Variants in SLC6A2 observed in about 807,000 individuals in gnomAD.
SLC6A2 encodes sodium-dependent noradrenaline transporter.
In SLC6A2, 26 loss-of-function variants were observed where a neutral mutation model predicts 71.7. The observed-to-expected ratio is 0.36, with a 90% CI of 0.27 to 0.50. The LOEUF (loss-of-function observed/expected upper bound fraction) is 0.50, where lower values mean the gene tolerates loss of function less well. Ranked by LOEUF, SLC6A2 falls within the 20% of genes least tolerant of loss-of-function variation. The probability of loss-of-function intolerance (pLI) is 0.96; values close to 1 mark genes in which losing one functional copy is unlikely to be tolerated. For missense variants in SLC6A2, 581 were observed against 803.9 expected, an observed-to-expected ratio of 0.72 and a Z score of 3.35; for synonymous variants, 363 against 337.9, an observed-to-expected ratio of 1.07 and a Z score of -0.82.
intron 5 of SLC6A2, among the ~76,000 whole-genome samples, chr16:55,689,634 G>A (rs2142575102): frequency 6.6e-6 from 1 of 152,364 alleles, no homozygotes; most frequent in East Asian, 1.9e-4. Context: ...GGAGATGTGA[G>A]AGCTCCTTCT....
chr16:55,656,842 G>A lies in SLC6A2; in HGVS notation c.148G>A (p.Asp50Asn). The A allele has an allele frequency of 6.2e-7, 1 of 1,613,684 alleles. No homozygotes were observed. Among genetic ancestry groups the A allele is most frequent in the Non-Finnish European group, 8.5e-7 (1 of 1,179,822 alleles). ...CGTCCAGTGCCTGCTGGCGCCCCGC[G>A]ACGGCGACGCGCAGCCCCGGGAGAC... is the stretch of plus-strand genomic sequence containing the variant. ...NGVQCLLAPR[D>N]GDAQPRETWG... Residue 50 changes from aspartate (D) to asparagine (N), a missense_variant, in exon 2 of 15, where the codon GAC becomes AAC. By Grantham distance (23) the Asp-to-Asn change is conservative. Around this residue, in one of 5 missense-constraint regions of SLC6A2, gnomAD observed 76 missense variants for 79.9 expected, o/e 0.95. Coordinates refer to ENST00000568943, the MANE Select transcript of SLC6A2 (RefSeq NM_001172501.3). This position sits in a 1 kb window ranked among gnomAD's most constrained non-coding sequence, Gnocchi z 4.5.
At chr16:55,673,181 T>C (rs1444236846) in intron 4 of SLC6A2, among the ~76,000 whole-genome samples, 1 of 152,194 alleles carries the variant, frequency 6.6e-6, no homozygotes, top group African/African-American at 2.4e-5. Flanking sequence ...TTGATTTGAG[T>C]TTGTTTGTTG....
At chr16:55,670,468 G>C (rs1249105845) in intron 3 of SLC6A2, among the ~76,000 whole-genome samples, 1 of 152,184 alleles carries the variant, frequency 6.6e-6, no homozygotes, top group Non-Finnish European at 1.5e-5. Flanking sequence ...CAGTATAAAA[G>C]AGAATTGACT....
intron 4 of SLC6A2, among the ~76,000 whole-genome samples, chr16:55,679,997 T>A (rs188040820): frequency 1.3e-5 from 2 of 152,196 alleles, no homozygotes; most frequent in Non-Finnish European, 2.9e-5. Context: ...ACCCTCTAGA[T>A]ACCAGCAGCA....
chr16:55,681,618 C>T (rs1290137448), intron 4 of SLC6A2, among the ~76,000 whole-genome samples: 1 of 152,230 alleles, frequency 6.6e-6, no homozygotes, highest in African/African-American at 2.4e-5. Flanking sequence ...TGGTCTTCAG[C>T]CTTTCTTTCA....
chr16:55,684,058 G>A (rs1965367035), intron 4 of SLC6A2, among the ~76,000 whole-genome samples: 1 of 152,142 alleles, frequency 6.6e-6, no homozygotes, highest in African/African-American at 2.4e-5. Flanking sequence ...AGCACTTTGA[G>A]AGGCTGGAGC....
chr16:55,698,435 G>A, intron 10 of SLC6A2, 34 bp from the exon 11 acceptor site: 1 of 1,457,504 alleles, frequency 6.9e-7, no homozygotes, highest in Non-Finnish European at 9.6e-7. Flanking sequence ...TTTGACCAAA[G>A]AGGGCCTCTT....
At chr16:55,670,288 G>A (rs1051377001) in intron 3 of SLC6A2, among the ~76,000 whole-genome samples, 1 of 152,190 alleles carries the variant, frequency 6.6e-6, no homozygotes, top group Non-Finnish European at 1.5e-5. Flanking sequence ...AGATGGCAAC[G>A]AGGGCCAGTG....
intron 2 of SLC6A2, among the ~76,000 whole-genome samples, chr16:55,658,345 C>T (rs1415686035): frequency 6.6e-6 from 1 of 152,092 alleles, no homozygotes; most frequent in African/African-American, 2.4e-5. Context: ...GACCTCGTCT[C>T]TACTAAAAAT....
Position 55,699,548 on chromosome 16 carries a change from G to A in SLC6A2, c.1490-6G>A. The stretch of plus-strand genomic sequence containing the variant: ...ATGGTAACAGGCCTGCCCTGTGTGT[G>A]CACAGGAGTGGACAGGTTCAGCAAC... On this transcript the variant is annotated splice_region_variant and splice_polypyrimidine_tract_variant and intron_variant, in intron 11 of 14. Transcript: ENST00000568943. The A allele has an allele frequency of 1.2e-6, 2 of 1,604,262 alleles. No homozygotes were observed. Among genetic ancestry groups the A allele is most frequent in the Non-Finnish European group, 1.7e-6 (2 of 1,170,960 alleles).
At position 55,699,663 on chromosome 16, in the gene SLC6A2, T is replaced by A. The variant is rs1482536110; in HGVS notation, c.1590+9T>A. The A allele has an allele frequency of 1.9e-6, 3 of 1,596,388 alleles. No homozygotes were observed. The highest frequency in any genetic ancestry group is 2.6e-6 in the Non-Finnish European group (3 of 1,163,876). ...GTCCTGCCTTCCTCCTGGTGTGTAG[T>A]GTCTGCAGGGAAGTCCTGCATGTGG... is the stretch of plus-strand genomic sequence containing the variant. On this transcript the variant is annotated intron_variant, in intron 12 of 14. Coordinates refer to ENST00000568943, the MANE Select transcript of SLC6A2 (RefSeq NM_001172501.3).
chr16:55,671,827 G>A, intron 3 of SLC6A2, 111 bp from the exon 4 acceptor site: 1 of 1,553,672 alleles, frequency 6.4e-7, no homozygotes, highest in African/African-American at 1.4e-5. Flanking sequence ...CTGTTCTGCA[G>A]GAAACGAGAG....
At chr16:55,700,112 T>C (rs761771809) in intron 12 of SLC6A2, 27 bp from the exon 13 acceptor site, 122 of 1,607,120 alleles carry the variant, frequency 7.6e-5, no homozygotes, top group Non-Finnish European at 9.9e-5. Flanking sequence ...CTGTCTTCCT[T>C]TCTCTCCCTT....
At chr16:55,688,025 A>G (rs988689762) in intron 5 of SLC6A2, among the ~76,000 whole-genome samples, 3 of 152,254 alleles carry the variant, frequency 2.0e-5, no homozygotes, top group Non-Finnish European at 2.9e-5. Context: ...CATTTTGCAT[A>G]AGTCCCTCAG....
intron 4 of SLC6A2, among the ~76,000 whole-genome samples, chr16:55,682,097 G>A (rs1239561326): frequency 1.3e-5 from 2 of 152,174 alleles, no homozygotes; most frequent in African/African-American, 4.8e-5. Context: ...AGTAGAGACA[G>A]GGTTTCGCCA....
intron 5 of SLC6A2, among the ~76,000 whole-genome samples, chr16:55,688,706 T>C (rs1965529671): frequency 6.6e-6 from 1 of 152,168 alleles, no homozygotes; most frequent in Non-Finnish European, 1.5e-5. Flanking sequence ...ACCTAGGTGA[T>C]GCTGATGCTG....
intron 2 of SLC6A2, among the ~76,000 whole-genome samples, chr16:55,662,796 G>T (rs1402590024): frequency 6.6e-6 from 1 of 152,194 alleles, no homozygotes; most frequent in East Asian, 1.9e-4. Flanking sequence ...ATCCATCAGG[G>T]GAGTGGGTGT....
Position 55,703,696 on chromosome 16 carries a change from C to T in SLC6A2, c.*1350C>T. 1 of 985,344 alleles carries T rather than the reference C, an allele frequency of 1.0e-6. No homozygotes were observed. Among genetic ancestry groups the T allele is most frequent in the Non-Finnish European group, 1.2e-6 (1 of 829,880 alleles). 61.0% of individuals were successfully genotyped at this position (985,344 alleles called of 1,614,324 possible). A position where few individuals can be genotyped will look rare whatever the true frequency, so the allele number is the denominator to read the frequency against. ...TTCTGTTTATGGTTAGAGTCTCTTACACCCTTGTTGGAGGGATTCTTATTC... is the reference window on the plus strand; with the variant it reads ...TTCTGTTTATGGTTAGAGTCTCTTATACCCTTGTTGGAGGGATTCTTATTC... On this transcript the variant is annotated 3_prime_UTR_variant, in exon 15 of 15. Coordinates refer to ENST00000568943, the MANE Select transcript of SLC6A2 (RefSeq NM_001172501.3).
intron 12 of SLC6A2, 26 bp downstream of exon 12, chr16:55,699,680 T>C (rs1422984549): frequency 5.3e-6 from 8 of 1,509,744 alleles, no homozygotes; most frequent in Non-Finnish European, 7.4e-6. Context: ...AGGGAAGTCC[T>C]GCATGTGGGG....
Sources: allele counts gnomAD v4.1 joint callset (sites outside exome capture counted in the v4.1 genomes callset), GRCh38; gene constraint gnomAD v4.1.1; regional missense constraint gnomAD v4.1.1; non-coding constraint Gnocchi (gnomAD v3.1); transcripts MANE v1.5; gene names NCBI Gene and HGNC (gene_info 2026-07-23, HGNC 2026-07-21).